NKD1: variants seen among roughly 807,000 people sequenced by gnomAD.
NKD1 encodes the protein protein naked cuticle homolog 1.
NKD1 carries 21 observed loss-of-function variants against 56.0 expected under a neutral mutation model. The observed-to-expected ratio is 0.38, with a 90% CI of 0.27 to 0.54. NKD1 has a LOEUF of 0.54. Among genes scored for constraint, NKD1 ranks in the 20% least tolerant of loss-of-function variants. The probability of loss-of-function intolerance (pLI) is 0.82; values close to 1 mark genes in which losing one functional copy is unlikely to be tolerated. For synonymous variants in NKD1, 263 were observed against 265.7 expected, an observed-to-expected ratio of 0.99 and a Z score of 0.10; for missense variants, 578 against 642.7, an observed-to-expected ratio of 0.90 and a Z score of 1.09.
At chr16:50,608,425 CGTGTGCCCT>C in intron 4 of NKD1, 65 bp downstream of exon 4, 1 of 1,083,090 alleles carries the variant, frequency 9.2e-7, no homozygotes, top group Non-Finnish European at 1.4e-6. Flanking sequence ...TTCAGCTGGC[CGTGTGCCCT>C]GTGTACTCCA....
At chr16:50,591,080 C>T (rs1961356050) in intron 3 of NKD1, among the ~76,000 whole-genome samples, 1 of 152,140 alleles carries the variant, frequency 6.6e-6, no homozygotes, top group South Asian at 2.1e-4. Flanking sequence ...GCCTCAGCCT[C>T]CCAAAGTGCT....
intron 3 of NKD1, chr16:50,575,107 T>TTTTC: frequency 1.0e-6 from 1 of 985,262 alleles, no homozygotes; most frequent in Non-Finnish European, 1.2e-6. Context: ...TTTTTTTTTT[T>TTTTC]TTCCTTTAGC....
intron 3 of NKD1, chr16:50,606,148 C>T (rs1961702741): frequency 6.6e-6 from 1 of 152,160 alleles, no homozygotes; most frequent in Non-Finnish European, 1.5e-5. Context: ...GCCTCCACCT[C>T]CCAGTTTCAA....
At chr16:50,556,328 T>C (rs1960503495) in intron 3 of NKD1, 2 of 152,286 alleles carry the variant, frequency 1.3e-5, no homozygotes, top group South Asian at 4.1e-4. Flanking sequence ...AATTCTTTGA[T>C]AGCTTCCTGG....
At chr16:50,565,440 A>G (rs1023249058) in intron 3 of NKD1, among the ~76,000 whole-genome samples, 2 of 151,586 alleles carry the variant, frequency 1.3e-5, no homozygotes, top group Non-Finnish European at 2.9e-5. Flanking sequence ...GCACTTTGGG[A>G]GGCCAGAGTG....
At chr16:50,599,886 T>TTGTTGG (rs1961555441) in intron 3 of NKD1, among the ~76,000 whole-genome samples, 1 of 152,188 alleles carries the variant, frequency 6.6e-6, no homozygotes, top group African/African-American at 2.4e-5. Flanking sequence ...CTCTTTTCTG[T>TTGTTGG]TGTTGGTGTT....
chr16:50,632,485 G>T lies in NKD1; in HGVS notation c.823+77G>T. The T allele has an allele frequency of 6.8e-7, 1 of 1,461,248 alleles. No individual in the cohort carries two copies. The highest frequency in any genetic ancestry group is 9.6e-7 in the Non-Finnish European group (1 of 1,046,486). 90.5% of individuals were successfully genotyped at this position (1,461,248 alleles called of 1,614,324 possible). A position where few individuals can be genotyped will look rare whatever the true frequency, so the allele number is the denominator to read the frequency against. On this transcript the variant is annotated intron_variant, in intron 9 of 9. Coordinates refer to ENST00000268459, the MANE Select transcript of NKD1 (RefSeq NM_033119.5). The surrounding 1 kb of genome is among the most constrained non-coding windows in gnomAD (Gnocchi z 4.1). ...ACGGGCCAGGCGGGCCGTGCGGGTG[G>T]TGTTCACTGCTACCCCAGGCTTCGG...
intron 3 of NKD1, among the ~76,000 whole-genome samples, chr16:50,605,155 G>A (rs911081221): frequency 3.6e-4 from 55 of 152,298 alleles, no homozygotes; most frequent in Non-Finnish European, 3.7e-4. Flanking sequence ...CAGCCTCTTG[G>A]AGCCTCCTAG....
chr16:50,549,337 C>G (rs1960320936), intron 2 of NKD1, 85 bp from the exon 3 acceptor site: 7 of 1,530,704 alleles, frequency 4.6e-6, no homozygotes, highest in Non-Finnish European at 5.3e-6. Flanking sequence ...CCTTCGCCTC[C>G]CACCGCGCCT....
At chr16:50,550,128 G>C (rs77207873) in intron 3 of NKD1, among the ~76,000 whole-genome samples, 1,637 of 151,964 alleles carry the variant, frequency 0.011, 27 homozygotes, top group African/African-American at 0.038. Context: ...TGTAGCCTGG[G>C]CAGAGCCCTG....
intron 3 of NKD1, among the ~76,000 whole-genome samples, chr16:50,593,347 T>G (rs1961408651): frequency 6.6e-6 from 1 of 152,176 alleles, no homozygotes; most frequent in South Asian, 2.1e-4. Flanking sequence ...CAGGCACCAT[T>G]TGATCCAGGG....
At chr16:50,557,112 C>A (rs2151262754) in intron 3 of NKD1, 1 of 152,258 alleles carries the variant, frequency 6.6e-6, no homozygotes, top group East Asian at 1.9e-4. Context: ...GACACCTGTG[C>A]TTGGTACCTA....
intron 4 of NKD1, chr16:50,613,549 G>A (rs547110840): frequency 6.6e-6 from 1 of 152,352 alleles, no homozygotes; most frequent in South Asian, 2.1e-4. Context: ...CCCCCCAGAA[G>A]CTGAGTTGCA....
chr16:50,590,772 C>A (rs1467971045), intron 3 of NKD1, among the ~76,000 whole-genome samples: 1 of 152,226 alleles, frequency 6.6e-6, no homozygotes, highest in Non-Finnish European at 1.5e-5. Flanking sequence ...CCGTTTGCTC[C>A]TTTACTGCCA....
At chr16:50,599,422 C>T (rs1961546300) in intron 3 of NKD1, among the ~76,000 whole-genome samples, 1 of 152,244 alleles carries the variant, frequency 6.6e-6, no homozygotes, top group African/African-American at 2.4e-5. Flanking sequence ...GCAGAAGAAC[C>T]AAGGCTCAAA....
chr16:50,626,658 C>G (rs1322346023), intron 6 of NKD1, among the ~76,000 whole-genome samples: 1 of 152,180 alleles, frequency 6.6e-6, no homozygotes, highest in Non-Finnish European at 1.5e-5. Flanking sequence ...GGCAGGCAAC[C>G]TGGATTTGAT....
chr16:50,603,494 C>A (rs962439033), intron 3 of NKD1, among the ~76,000 whole-genome samples: 1 of 152,230 alleles, frequency 6.6e-6, no homozygotes, highest in Non-Finnish European at 1.5e-5. Context: ...CCTCTTTCCC[C>A]GGCACATCCC....
intron 3 of NKD1, among the ~76,000 whole-genome samples, chr16:50,593,132 C>T (rs755267490): frequency 6.6e-6 from 1 of 152,120 alleles, no homozygotes; most frequent in African/African-American, 2.4e-5. Context: ...TCCCATCGCC[C>T]CACACCATCC....
intron 3 of NKD1, among the ~76,000 whole-genome samples, chr16:50,579,625 C>T (rs1230928166): frequency 2.2e-5 from 3 of 139,246 alleles, no homozygotes; most frequent in Admixed American, 1.4e-4. Context: ...ACCCGCCACG[C>T]ATGCACTGTC....
Sources: allele counts gnomAD v4.1 joint callset (sites outside exome capture counted in the v4.1 genomes callset), GRCh38; gene constraint gnomAD v4.1.1; non-coding constraint Gnocchi (gnomAD v3.1); transcripts MANE v1.5; gene names NCBI Gene and HGNC (gene_info 2026-07-23, HGNC 2026-07-21).